The following CHM variants were observed in gnomAD, a reference collection of about 807,000 sequenced individuals.
The protein encoded by CHM is rab proteins geranylgeranyltransferase component A 1.
In CHM, 10 loss-of-function variants were observed where a neutral mutation model predicts 49.0. That is an observed-to-expected ratio of 0.20 (90% confidence interval 0.13 to 0.35). The LOEUF (loss-of-function observed/expected upper bound fraction) is 0.35. CHM is among the 10% of genes least tolerant of loss of function. The pLI, the probability that CHM is intolerant of heterozygous loss-of-function variation, is 1.00. For synonymous variants in CHM, 184 were observed against 167.5 expected, an observed-to-expected ratio of 1.10 and a Z score of -0.76; for missense variants, 455 against 478.4, an observed-to-expected ratio of 0.95 and a Z score of 0.46.
intron 13 of CHM, among the ~76,000 whole-genome samples, chrX:85,873,521 A>G (rs1236269674): frequency 8.9e-6 from 1 of 111,796 alleles, no homozygotes; most frequent in Admixed American, 9.6e-5. Context: ...CTTATGTTTC[A>G]AATGGACAAA....
chrX:86,039,817 C>G (rs1157895697), intron 1 of CHM, among the ~76,000 whole-genome samples: 1 of 111,480 alleles, frequency 9.0e-6, no homozygotes, highest in Non-Finnish European at 1.9e-5. Flanking sequence ...AGCTGGACAT[C>G]AGAGAGAAGT....
intron 4 of CHM, among the ~76,000 whole-genome samples, chrX:85,971,980 T>C (rs1930947253): frequency 1.0e-5 from 1 of 97,329 alleles, no homozygotes; most frequent in Non-Finnish European, 2.0e-5. Flanking sequence ...AGAGTGCCAA[T>C]TGGTGTATTT....
chrX:86,005,448 C>A (rs76844233), intron 2 of CHM, among the ~76,000 whole-genome samples: 30,513 of 110,511 alleles, frequency 0.28, 3,525 homozygotes, highest in Admixed American at 0.39. Flanking sequence ...CCACAAAAAA[C>A]CCTTCAAAAA....
intron 8 of CHM, among the ~76,000 whole-genome samples, chrX:85,949,140 A>G (rs1444300491): frequency 3.6e-5 from 4 of 111,956 alleles, no homozygotes; most frequent in Non-Finnish European, 7.5e-5. Context: ...TAAGGCTGAC[A>G]AATCTCAGCC....
intron 1 of CHM, among the ~76,000 whole-genome samples, chrX:86,045,840 G>A (rs1191953866): frequency 2.7e-5 from 3 of 112,083 alleles, no homozygotes; most frequent in African/African-American, 9.7e-5. Context: ...AAAAAAGCAA[G>A]ATTATAAAAC....
intron 1 of CHM, among the ~76,000 whole-genome samples, chrX:86,044,328 T>C (rs745697950): frequency 8.9e-6 from 1 of 112,239 alleles, no homozygotes; most frequent in Non-Finnish European, 1.9e-5. Flanking sequence ...GTCATTTGTA[T>C]GTCTAATAGC....
intron 8 of CHM, among the ~76,000 whole-genome samples, chrX:85,955,879 A>T (rs1299965001): frequency 8.9e-6 from 1 of 112,188 alleles, no homozygotes; most frequent in Non-Finnish European, 1.9e-5. Flanking sequence ...ATAAAAAATT[A>T]ACTAAAATTA....
chrX:85,956,525 G>C, intron 7 of CHM, 147 bp from the exon 8 acceptor site: 1 of 764,461 alleles, frequency 1.3e-6, no homozygotes, highest in South Asian at 3.4e-5. Context: ...TTGATCTTAG[G>C]AAAAAATGGA....
chrX:85,894,392 T>C, intron 11 of CHM, 108 bp from the exon 12 acceptor site: 1 of 557,098 alleles, frequency 1.8e-6, no homozygotes, highest in Non-Finnish European at 3.0e-6. Context: ...TCAAACATCA[T>C]GTCTGAAAAA....
intron 8 of CHM, 142 bp downstream of exon 8, chrX:85,956,011 A>C: frequency 2.0e-6 from 1 of 488,210 alleles, no homozygotes; most frequent in Non-Finnish European, 3.4e-6. Flanking sequence ...AGGTAGGTAA[A>C]TAGATTATAA....
At chrX:85,878,658 C>T (rs1319411836) in intron 13 of CHM, among the ~76,000 whole-genome samples, 1 of 110,829 alleles carries the variant, frequency 9.0e-6, no homozygotes, top group Non-Finnish European at 1.9e-5. Flanking sequence ...GCCCATAATC[C>T]CACCAAAATT....
chrX:85,981,362 T>C (rs1038500791), intron 3 of CHM, among the ~76,000 whole-genome samples: 6 of 106,076 alleles, frequency 5.7e-5, no homozygotes, highest in East Asian at 3.0e-4. Context: ...GCCTCCTGAG[T>C]AGCTGGGACT....
chrX:85,918,137 G>T (rs936829502), intron 8 of CHM, among the ~76,000 whole-genome samples: 4 of 110,964 alleles, frequency 3.6e-5, no homozygotes, highest in Non-Finnish European at 5.7e-5. Flanking sequence ...CAACTCGAAA[G>T]AAAAAGTCTT....
At chrX:85,866,546 G>A (rs906681461) in intron 14 of CHM, among the ~76,000 whole-genome samples, 21 of 112,893 alleles carry the variant, frequency 1.9e-4, no homozygotes, top group African/African-American at 6.4e-4. Flanking sequence ...CTGTTTAGTG[G>A]AGCTGTAAGA....
At chrX:86,039,807 A>G (rs896417211) in intron 1 of CHM, among the ~76,000 whole-genome samples, 22 of 111,595 alleles carry the variant, frequency 2.0e-4, no homozygotes, top group African/African-American at 6.5e-4. Flanking sequence ...TAGAGACTAC[A>G]GCTGGACATC....
At chrX:85,887,567 G>A (rs149692094) in intron 12 of CHM, among the ~76,000 whole-genome samples, 2,438 of 111,790 alleles carry the variant, frequency 0.022, 70 homozygotes, top group African/African-American at 0.075. Flanking sequence ...ACGTGGAAGC[G>A]ACTTTGGAAC....
intron 3 of CHM, 70 bp from the exon 4 acceptor site, chrX:85,978,961 T>A: frequency 9.4e-7 from 1 of 1,065,367 alleles, no homozygotes; most frequent in African/African-American, 1.8e-5. Context: ...TCTGAGAAAA[T>A]TTACCTCTTG....
intron 14 of CHM, among the ~76,000 whole-genome samples, chrX:85,865,139 T>C (rs766900111): frequency 1.8e-5 from 2 of 111,495 alleles, no homozygotes; most frequent in Non-Finnish European, 3.8e-5. Flanking sequence ...ATTTCCTTAA[T>C]ATTGTTTATA....
intron 2 of CHM, among the ~76,000 whole-genome samples, chrX:85,991,723 G>A (rs1932199193): frequency 9.2e-6 from 1 of 108,563 alleles, no homozygotes; most frequent in Admixed American, 1.0e-4. Flanking sequence ...GCAGTAGGCA[G>A]AATTTCTCAA....
Sources: gnomAD v4.1 joint callset for allele counts (sites outside exome capture counted in the v4.1 genomes callset) on GRCh38, gnomAD v4.1.1 for gene constraint, MANE v1.5 for transcripts, NCBI Gene and HGNC (gene_info 2026-07-23, HGNC 2026-07-21) for gene names.